Variants in CFAP54 observed in about 807,000 individuals in gnomAD.
CFAP54 encodes the protein cilia and flagella associated protein 54.
In CFAP54, 290 loss-of-function variants were observed where a neutral mutation model predicts 370.4. The observed-to-expected ratio is 0.78, with a 90% CI of 0.71 to 0.86. CFAP54 has a LOEUF of 0.86. CFAP54 is among the 40% of genes least tolerant of loss of function. The pLI is 0.00. For synonymous variants in CFAP54, 1,206 were observed against 1,236.5 expected (o/e 0.98, Z 0.52); for missense variants, 3,399 against 3,528.7 (o/e 0.96, Z 0.93).
Position 96,675,745 on chromosome 12 carries a change from A to G in CFAP54, c.5564-3855A>G, listed in dbSNP as rs997473785. 1.1e-4 allele frequency among the ~76,000 whole-genome samples: 16 copies of G among 152,294 alleles called. 1 individual carries two copies. In the Middle Eastern group the frequency reaches 0.014, roughly 130 times the overall value. ...AAATGTGGCACATATACACCATGGA[A>G]TACTATGCAGCCATAAAAAATGATG... On this transcript the variant is annotated intron_variant, in intron 39 of 67. Coordinates refer to ENST00000524981, the MANE Select transcript of CFAP54 (RefSeq NM_001306084.2).
chr12:96,644,469 A>G (rs1956768347), intron 33 of CFAP54, 61 bp downstream of exon 33: 1 of 1,200,204 alleles, frequency 8.3e-7, no homozygotes, highest in Admixed American at 2.0e-5. Context: ...TTGTATTTGT[A>G]TGTTCAGAGC....
chr12:96,641,642 G>A (rs369235311), intron 32 of CFAP54, among the ~76,000 whole-genome samples: 31 of 152,118 alleles, frequency 2.0e-4, no homozygotes, highest in African/African-American at 4.1e-4. Context: ...TGTTTATTGC[G>A]GCACTATTCA....
At chr12:96,828,868 T>C (rs1352680275) in intron 65 of CFAP54, 146 bp from the exon 66 acceptor site, 6 of 421,652 alleles carry the variant, frequency 1.4e-5, no homozygotes, top group Non-Finnish European at 2.5e-5. Context: ...TAAGGGGTTA[T>C]GATTTCTGAG....
chr12:96,731,065 T>G lies in CFAP54; in HGVS notation c.6966-8891T>G, dbSNP rs117276792. On this transcript the variant is annotated intron_variant, in intron 50 of 67. Coordinates refer to ENST00000524981, the MANE Select transcript of CFAP54 (RefSeq NM_001306084.2). ...ATATTAATAAAATTAAGACAGCATTTGCATTATTCACTGTGTCGTTCACAC... is the reference window on the plus strand; with the variant it reads ...ATATTAATAAAATTAAGACAGCATTGGCATTATTCACTGTGTCGTTCACAC... Among the ~76,000 whole-genome samples the G allele has an allele frequency of 9.7e-3, 1,476 of 152,290 alleles. 59 individuals carry two copies. The East Asian group carries it at 0.1, about 11-fold the overall frequency.
intron 22 of CFAP54, among the ~76,000 whole-genome samples, chr12:96,588,473 C>T (rs946008771): frequency 6.6e-6 from 1 of 152,182 alleles, no homozygotes; most frequent in Admixed American, 6.5e-5. Flanking sequence ...TTGATACCAT[C>T]TCTATCTAAA....
At chr12:96,760,589 G>A (rs754630623) in intron 58 of CFAP54, among the ~76,000 whole-genome samples, 1 of 152,194 alleles carries the variant, frequency 6.6e-6, no homozygotes, top group African/African-American at 2.4e-5. Flanking sequence ...CTGGAGTGCA[G>A]TGGCGTGATC....
chr12:96,806,539 T>A (rs1799229985), intron 63 of CFAP54, among the ~76,000 whole-genome samples: 1 of 152,008 alleles, frequency 6.6e-6, no homozygotes, highest in Admixed American at 6.6e-5. Flanking sequence ...TGTTTCAGGT[T>A]CCCAAACAAA....
At chr12:96,581,212 C>T in intron 22 of CFAP54, 107 bp downstream of exon 22, 1 of 704,662 alleles carries the variant, frequency 1.4e-6, no homozygotes, top group Non-Finnish European at 2.1e-6. Context: ...TTCTAAAGCT[C>T]CTATAACACA....
At chr12:96,649,847 A>T (rs2136501223) in intron 34 of CFAP54, 44 bp from the exon 35 acceptor site, 1 of 1,362,398 alleles carries the variant, frequency 7.3e-7, no homozygotes, top group South Asian at 1.4e-5. Flanking sequence ...CTGGAACTTA[A>T]TTCTATGTTT....
At chr12:96,727,362 G>A (rs1230062743) in intron 50 of CFAP54, among the ~76,000 whole-genome samples, 1 of 150,568 alleles carries the variant, frequency 6.6e-6, no homozygotes, top group African/African-American at 2.5e-5. Flanking sequence ...GGGTGCTCCT[G>A]TATTGGGTGC....
chr12:96,674,675 A>G (rs1055482084), intron 39 of CFAP54, among the ~76,000 whole-genome samples: 5 of 152,232 alleles, frequency 3.3e-5, no homozygotes, highest in Non-Finnish European at 4.4e-5. Context: ...TCAGCCAGAT[A>G]AAAAAGTAGT....
intron 60 of CFAP54, among the ~76,000 whole-genome samples, chr12:96,777,530 G>T (rs1326559892): frequency 6.6e-6 from 1 of 152,020 alleles, no homozygotes; most frequent in Non-Finnish European, 1.5e-5. Flanking sequence ...TGTATTTTTA[G>T]TAGAGACGGG....
intron 66 of CFAP54, among the ~76,000 whole-genome samples, chr12:96,834,594 G>A (rs1275741340): frequency 6.6e-6 from 1 of 152,236 alleles, no homozygotes; most frequent in East Asian, 1.9e-4. Context: ...CAGCTTCCTT[G>A]GTTGGCAGTG....
At chr12:96,624,718 G>A (rs78808437) in intron 28 of CFAP54, among the ~76,000 whole-genome samples, 1 of 152,182 alleles carries the variant, frequency 6.6e-6, no homozygotes, top group Non-Finnish European at 1.5e-5. Flanking sequence ...GGCTACACTT[G>A]TAGAATTCCA....
intron 17 of CFAP54, among the ~76,000 whole-genome samples, chr12:96,563,690 C>T (rs1355227835): frequency 6.6e-6 from 1 of 152,180 alleles, no homozygotes; most frequent in Non-Finnish European, 1.5e-5. Flanking sequence ...CATGGTGGCT[C>T]ATGTGCATTA....
chr12:96,720,533 A>G lies in CFAP54; in HGVS notation c.6933A>G (p.Ala2311=), dbSNP rs1353460794. Residue 2311 remains alanine (A), a synonymous_variant, in exon 50 of 68, where the codon GCA becomes GCG. Coordinates refer to ENST00000524981, the MANE Select transcript of CFAP54 (RefSeq NM_001306084.2). ...TGGAGGCCCGGCTTCAGCTGGCTGC[A>G]GTTGCTCTGCAGAGGCACCGGGCGG... ...IVVEARLQLA[A]VALQRHRAAY... is the part of the protein sequence containing the mutation. 1.9e-6 allele frequency: 3 copies of G among 1,581,422 alleles called. No individual in the cohort carries two copies. In the African/African-American group the frequency reaches 4.0e-5, roughly 21 times the overall value.
At chr12:96,749,918 G>A (rs536472606) in intron 55 of CFAP54, among the ~76,000 whole-genome samples, 1 of 152,320 alleles carries the variant, frequency 6.6e-6, no homozygotes, top group African/African-American at 2.4e-5. Context: ...CATGCTGCAA[G>A]TGGTGGTTAA....
At chr12:96,851,273 C>T (rs75170479) in intron 66 of CFAP54, among the ~76,000 whole-genome samples, 2,119 of 152,094 alleles carry the variant, frequency 0.014, 28 homozygotes, top group African/African-American at 0.039. Context: ...TTCATGATTT[C>T]GAAGGTAGTG....
intron 65 of CFAP54, among the ~76,000 whole-genome samples, chr12:96,821,193 C>T (rs1333613564): frequency 6.6e-6 from 1 of 152,122 alleles, no homozygotes. Context: ...GTCACCAAAA[C>T]ATCCTTGGTG....
Sources: gnomAD v4.1 joint callset for allele counts (sites outside exome capture counted in the v4.1 genomes callset) on GRCh38, gnomAD v4.1.1 for gene constraint, MANE v1.5 for transcripts, NCBI Gene and HGNC (gene_info 2026-07-23, HGNC 2026-07-21) for gene names.